MCU: variants seen among roughly 807,000 people sequenced by gnomAD.
The protein encoded by MCU is mitochondrial calcium uniporter.
Under a neutral mutation model 45.2 loss-of-function variants are expected in MCU, and 12 were observed. The ratio of observed to expected loss-of-function variants is 0.27; its 90% CI spans 0.17 to 0.43. The LOEUF (loss-of-function observed/expected upper bound fraction) is 0.43. MCU is among the 20% of genes least tolerant of loss of function. MCU has a pLI of 1.00. For synonymous variants in MCU, 160 were observed against 165.1 expected (o/e 0.97, Z 0.24); for missense variants, 324 against 436.7 (o/e 0.74, Z 2.30).
chr10:72,764,226 T>A (rs185892517), intron 1 of MCU, among the ~76,000 whole-genome samples: 1 of 152,206 alleles, frequency 6.6e-6, no homozygotes, highest in Non-Finnish European at 1.5e-5. Context: ...ACTTTCTTCT[T>A]CATTTTGCTG....
chr10:72,706,409 A>T (rs1159983462), intron 1 of MCU, among the ~76,000 whole-genome samples: 2 of 152,112 alleles, frequency 1.3e-5, no homozygotes, highest in African/African-American at 4.8e-5. Context: ...TAGCATTTTT[A>T]TTGACTAGGT....
intron 1 of MCU, among the ~76,000 whole-genome samples, chr10:72,710,886 G>T (rs776625499): frequency 6.6e-6 from 1 of 151,854 alleles, no homozygotes; most frequent in Non-Finnish European, 1.5e-5. Context: ...TATTTAAAAG[G>T]TATTAAACTG....
Position 72,799,599 on chromosome 10 carries a change from G to A in MCU, c.151-34760G>A, listed in dbSNP as rs539368575. Among the ~76,000 whole-genome samples, 3 of 152,010 alleles carry A rather than the reference G, an allele frequency of 2.0e-5. No individual in the cohort carries two copies. The South Asian group carries it at 6.2e-4, about 32-fold the overall frequency. ...AGCCTCCTGAGTAGCAGGGATTACA[G>A]GTACATGCCACTATGCCCAACTCAG... On this transcript the variant is annotated intron_variant, in intron 1 of 7. Transcript: ENST00000373053.
chr10:72,882,879 C>T (rs1007307790), intron 6 of MCU, among the ~76,000 whole-genome samples: 1 of 152,098 alleles, frequency 6.6e-6, no homozygotes, highest in Non-Finnish European at 1.5e-5. Context: ...CGGAACCTAC[C>T]GACATGTGAT....
chr10:72,715,845 C>G (rs1842949642), intron 1 of MCU: 3 of 985,190 alleles, frequency 3.0e-6, no homozygotes, highest in Non-Finnish European at 2.4e-6. Context: ...TTTTCCTGCT[C>G]TGTCTTAGGT....
At chr10:72,840,012 G>C (rs1426061110) in intron 2 of MCU, among the ~76,000 whole-genome samples, 1 of 148,704 alleles carries the variant, frequency 6.7e-6, no homozygotes, top group East Asian at 2.0e-4. Context: ...TTGCCTGTAA[G>C]TCTTTGTATG....
intron 1 of MCU, among the ~76,000 whole-genome samples, chr10:72,792,362 C>A (rs1023476298): frequency 1.3e-5 from 2 of 152,134 alleles, no homozygotes; most frequent in Non-Finnish European, 2.9e-5. Flanking sequence ...CAAAACTTTT[C>A]CGATTTGTGC....
At chr10:72,709,345 A>C (rs1032066658) in intron 1 of MCU, among the ~76,000 whole-genome samples, 1 of 152,236 alleles carries the variant, frequency 6.6e-6, no homozygotes, top group Non-Finnish European at 1.5e-5. Context: ...AGATGTCAGA[A>C]TACTTTAAAG....
At chr10:72,750,809 G>A (rs1564546517) in intron 1 of MCU, among the ~76,000 whole-genome samples, 1 of 151,202 alleles carries the variant, frequency 6.6e-6, no homozygotes, top group Non-Finnish European at 1.5e-5. Context: ...TAACCCCCCT[G>A]ACAACCTTTC....
At chr10:72,756,750 AT>A (rs1843581746) in intron 1 of MCU, 1 of 152,126 alleles carries the variant, frequency 6.6e-6, no homozygotes, top group Non-Finnish European at 1.5e-5. Context: ...TTGACGTTTT[AT>A]GCCCCGCCCC....
chr10:72,720,382 C>G lies in MCU; in HGVS notation c.150+28081C>G, dbSNP rs577969243. Among the ~76,000 whole-genome samples the G allele has an allele frequency of 2.0e-5, 3 of 152,294 alleles. No individual in the cohort carries two copies. The South Asian group carries it at 6.2e-4, about 32-fold the overall frequency. ...AATTCAGGTATATGTCTGCATACTTCCCAGTTGTAACCTCTGTCTCCCCAT... is the reference window on the plus strand; with the variant it reads ...AATTCAGGTATATGTCTGCATACTTGCCAGTTGTAACCTCTGTCTCCCCAT... On this transcript the variant is annotated intron_variant, in intron 1 of 7. Coordinates refer to ENST00000373053, the MANE Select transcript of MCU (RefSeq NM_138357.3).
chr10:72,801,237 T>C (rs1428867906), intron 1 of MCU, among the ~76,000 whole-genome samples: 1 of 152,206 alleles, frequency 6.6e-6, no homozygotes, highest in Non-Finnish European at 1.5e-5. Flanking sequence ...TTTCGTGTTA[T>C]TATACACTAT....
At chr10:72,713,302 G>A (rs1418819532) in intron 1 of MCU, among the ~76,000 whole-genome samples, 1 of 152,110 alleles carries the variant, frequency 6.6e-6, no homozygotes, top group Non-Finnish European at 1.5e-5. Context: ...TTTTTGAGAC[G>A]AAGTCTCACT....
Position 72,868,687 on chromosome 10 carries a change from GTAAC to G in MCU, c.497-14_497-11del, listed in dbSNP as rs1355180794. The G allele has an allele frequency of 6.2e-7, 1 of 1,608,846 alleles. No individual in the cohort carries two copies. Among genetic ancestry groups the G allele is most frequent in the African/African-American group, 1.3e-5 (1 of 74,470 alleles). On this transcript the variant is annotated splice_polypyrimidine_tract_variant and intron_variant, in intron 4 of 7. Transcript: ENST00000373053. ...TTAAGGCATACATTTTTTAAAAAAT[GTAAC>G]TTTTGTTTCAGACCTCTTAAGTCAT... is the stretch of plus-strand genomic sequence containing the variant.
chr10:72,760,620 C>T (rs1843640845), intron 1 of MCU: 1 of 152,122 alleles, frequency 6.6e-6, no homozygotes, highest in Admixed American at 6.6e-5. Context: ...GCCTCAAACT[C>T]CTGGGCTCAA....
chr10:72,872,402 T>A (rs559542663), intron 6 of MCU, among the ~76,000 whole-genome samples: 1 of 152,298 alleles, frequency 6.6e-6, no homozygotes, highest in East Asian at 1.9e-4. Flanking sequence ...TATCCCCTTC[T>A]CTCCTCTACC....
chr10:72,721,308 G>C lies in MCU; in HGVS notation c.150+29007G>C, dbSNP rs75413674. 0.022 allele frequency among the ~76,000 whole-genome samples: 3,377 copies of C among 152,228 alleles called. 297 individuals carry two copies. The East Asian group carries it at 0.27, about 12-fold the overall frequency. On this transcript the variant is annotated intron_variant, in intron 1 of 7. Coordinates refer to ENST00000373053, the MANE Select transcript of MCU (RefSeq NM_138357.3). ...GTAGTGACAATAAACTGGCTCTCTG[G>C]AGGGGGAAAAGGTTCTGATTTGTAG...
chr10:72,836,236 A>T (rs1034667416), intron 2 of MCU, among the ~76,000 whole-genome samples: 1 of 152,184 alleles, frequency 6.6e-6, no homozygotes, highest in Non-Finnish European at 1.5e-5. Context: ...AAATTGTCAT[A>T]TATTCAATAT....
chr10:72,836,324 T>C (rs1844955697), intron 2 of MCU, among the ~76,000 whole-genome samples: 1 of 152,090 alleles, frequency 6.6e-6, no homozygotes, highest in African/African-American at 2.4e-5. Context: ...TCAAGTCCCA[T>C]TGGTGGTTAT....
Sources: gnomAD v4.1 joint callset for allele counts (sites outside exome capture counted in the v4.1 genomes callset) on GRCh38, gnomAD v4.1.1 for gene constraint, MANE v1.5 for transcripts, NCBI Gene and HGNC (gene_info 2026-07-23, HGNC 2026-07-21) for gene names.